CASZ1: variants seen among roughly 807,000 people sequenced by gnomAD.
CASZ1 encodes the protein zinc finger protein castor homolog 1.
CASZ1 carries 28 observed loss-of-function variants against 135.2 expected under a neutral mutation model. The observed-to-expected ratio is 0.21, with a 90% confidence interval of 0.15 to 0.28. CASZ1 has a LOEUF of 0.28. CASZ1 is among the 10% of genes least tolerant of loss of function. The probability of loss-of-function intolerance (pLI) is 1.00; values close to 1 mark genes in which losing one functional copy is unlikely to be tolerated. For synonymous variants in CASZ1, 1,068 were observed against 1,073.4 expected (o/e 0.99, Z 0.10); for missense variants, 2,161 against 2,453.3 (o/e 0.88, Z 2.52).
chr1:10,728,415 A>C (rs1639635240), intron 2 of CASZ1, among the ~76,000 whole-genome samples: 1 of 152,190 alleles, frequency 6.6e-6, no homozygotes, highest in Non-Finnish European at 1.5e-5. Context: ...CTATCTAAAA[A>C]TGAAAATGAA....
rs979565650 is a variant in CASZ1, at chr1:10,759,820, C to T, written c.-77+881G>A. On this transcript the variant is annotated intron_variant, in intron 2 of 20. Transcript: ENST00000377022. This position sits in a 1 kb window ranked among gnomAD's most constrained non-coding sequence, Gnocchi z 4.2. ...ACACATAGGAAGAGCAGCCCCCGGCCCTGCCCTCCCCAGACATCCTCTAGG... is the reference window on the plus strand; with the variant it reads ...ACACATAGGAAGAGCAGCCCCCGGCTCTGCCCTCCCCAGACATCCTCTAGG... Among the ~76,000 whole-genome samples, 2 of 152,138 alleles carry T rather than the reference C, an allele frequency of 1.3e-5. No homozygotes were observed. Among genetic ancestry groups the T allele is most frequent in the African/African-American group, 4.8e-5 (2 of 41,420 alleles).
chr1:10,697,598 C>G lies in CASZ1; in HGVS notation c.-23-3686G>C, dbSNP rs995287595. On this transcript the variant is annotated intron_variant, in intron 3 of 20. Transcript: ENST00000377022. This position sits in a 1 kb window ranked among gnomAD's most constrained non-coding sequence, Gnocchi z 4.7. ...TATCGCTGGTTCCTGTTACCCCCCC[C>G]GCACCCCCAAGTTGCCCACCTACAC... Among the ~76,000 whole-genome samples the G allele has an allele frequency of 6.6e-6, 1 of 151,770 alleles. No homozygotes were observed. The highest frequency in any genetic ancestry group is 1.5e-5 in the Non-Finnish European group (1 of 67,950).
At chr1:10,708,953 A>AAGGGATGG (rs1178622355) in intron 2 of CASZ1, among the ~76,000 whole-genome samples, 1 of 92,816 alleles carries the variant, frequency 1.1e-5, no homozygotes, top group Non-Finnish European at 1.9e-5. Flanking sequence ...GGAAGGAAGC[A>AAGGGATGG]AGGGATGGAG....
intron 1 of CASZ1, among the ~76,000 whole-genome samples, chr1:10,781,208 C>G (rs1461995386): frequency 1.3e-5 from 2 of 152,270 alleles, no homozygotes; most frequent in Non-Finnish European, 1.5e-5. Flanking sequence ...TCGACCTTCT[C>G]CACTAGCACA....
intron 2 of CASZ1, among the ~76,000 whole-genome samples, chr1:10,743,445 C>T (rs1311821574): frequency 7.7e-6 from 1 of 130,460 alleles, no homozygotes; most frequent in Non-Finnish European, 1.8e-5. Context: ...CCCTGGGCCT[C>T]CACCGAGAAC....
At chr1:10,645,315 G>C (rs1295594622) in intron 17 of CASZ1, among the ~76,000 whole-genome samples, 1 of 152,252 alleles carries the variant, frequency 6.6e-6, no homozygotes, top group Non-Finnish European at 1.5e-5. Flanking sequence ...CGGATCACGA[G>C]ATCAGGAGAT....
chr1:10,647,683 G>A lies in CASZ1; in HGVS notation c.3497+118C>T. ...CATCACCCGATGGCCATGCCCCAGAGAGGCTGGGGACAGCAGCACCATCCG... is the reference window on the plus strand; with the variant it reads ...CATCACCCGATGGCCATGCCCCAGAAAGGCTGGGGACAGCAGCACCATCCG... On this transcript the variant is annotated intron_variant, in intron 16 of 20. Coordinates refer to ENST00000377022, the MANE Select transcript of CASZ1 (RefSeq NM_001079843.3). This position sits in a 1 kb window ranked among gnomAD's most constrained non-coding sequence, Gnocchi z 4.9. The A allele has an allele frequency of 6.6e-7, 1 of 1,524,992 alleles. No homozygotes were observed. Among genetic ancestry groups the A allele is most frequent in the Non-Finnish European group, 8.8e-7 (1 of 1,142,418 alleles). 94.5% of individuals were successfully genotyped at this position (1,524,992 alleles called of 1,614,324 possible).
rs566318090 is a variant in CASZ1, at chr1:10,794,556, G to C, written c.-234+2008C>G. Among the ~76,000 whole-genome samples the C allele has an allele frequency of 2.0e-5, 3 of 152,176 alleles. No homozygotes were observed. The highest frequency in any genetic ancestry group is 7.2e-5 in the African/African-American group (3 of 41,524). On this transcript the variant is annotated intron_variant, in intron 1 of 20. Transcript: ENST00000377022. The surrounding 1 kb of genome is among the most constrained non-coding windows in gnomAD (Gnocchi z 5.6). ...CACCCGCACCCGCACCGTAGCCAGC[G>C]TGGCTGGAAGGAGGTCCTCGCCGCG...
At chr1:10,792,342 G>GCCCCCCCC (rs1640976200) in intron 1 of CASZ1, among the ~76,000 whole-genome samples, 3 of 2,018 alleles carry the variant, frequency 1.5e-3, no homozygotes, top group Non-Finnish European at 2.6e-3. Flanking sequence ...CCCCCCCCCG[G>GCCCCCCCC]CCCCGCACAC....
At chr1:10,703,572 A>C (rs1639107876) in intron 3 of CASZ1, among the ~76,000 whole-genome samples, 2 of 151,952 alleles carry the variant, frequency 1.3e-5, no homozygotes, top group Admixed American at 1.3e-4. Context: ...GGGCCCTGAC[A>C]CAGAAATAGA....
At chr1:10,764,323 T>C (rs148477781) in intron 1 of CASZ1, among the ~76,000 whole-genome samples, 200 of 152,364 alleles carry the variant, frequency 1.3e-3, no homozygotes, top group African/African-American at 4.8e-3. Context: ...CAATAAGAAT[T>C]GGACCATGTG....
intron 20 of CASZ1, 167 bp from the exon 21 acceptor site, chr1:10,640,226 T>A: frequency 1.0e-6 from 1 of 963,404 alleles, no homozygotes; most frequent in Non-Finnish European, 1.5e-6. Context: ...GCCCCCTCCC[T>A]ACCCTGGCAC....
At chr1:10,685,605 C>G (rs1638560254) in intron 4 of CASZ1, among the ~76,000 whole-genome samples, 1 of 152,220 alleles carries the variant, frequency 6.6e-6, no homozygotes, top group Admixed American at 6.5e-5. Context: ...GAGGCTCCTC[C>G]CCAACCCGGG....
intron 2 of CASZ1, among the ~76,000 whole-genome samples, chr1:10,716,952 C>T (rs1639405837): frequency 6.6e-6 from 1 of 152,174 alleles, no homozygotes; most frequent in Non-Finnish European, 1.5e-5. Flanking sequence ...TACGTTCGGT[C>T]AAACTTCTCC....
At chr1:10,649,461 T>G (rs566866337) in intron 13 of CASZ1, 24 bp from the exon 14 acceptor site, 1 of 1,590,934 alleles carries the variant, frequency 6.3e-7, no homozygotes, top group Non-Finnish European at 8.6e-7. Context: ...AGGCCGAGCA[T>G]GGGGCTGGGG....
At chr1:10,659,244 C>T (rs1642911382) in intron 6 of CASZ1, among the ~76,000 whole-genome samples, 2 of 152,220 alleles carry the variant, frequency 1.3e-5, no homozygotes, top group South Asian at 2.1e-4. Flanking sequence ...GCCAGGGTGG[C>T]GCCTTCTCAG....
intron 1 of CASZ1, among the ~76,000 whole-genome samples, chr1:10,761,279 C>A (rs549246830): frequency 6.6e-6 from 1 of 152,242 alleles, no homozygotes; most frequent in Non-Finnish European, 1.5e-5. Flanking sequence ...CAACCCTGGG[C>A]TCCCCAACGC....
At chr1:10,714,294 C>A (rs1172579253) in intron 2 of CASZ1, among the ~76,000 whole-genome samples, 12 of 151,672 alleles carry the variant, frequency 7.9e-5, no homozygotes, top group Non-Finnish European at 1.5e-5. Flanking sequence ...GGCAACAGAA[C>A]AAGACTCCAT....
Position 10,660,401 on chromosome 1 carries a change from G to A in CASZ1, c.641C>T (p.Thr214Ile). 6.2e-7 allele frequency: 1 copy of A among 1,614,200 alleles called. No individual in the cohort carries two copies. Among genetic ancestry groups the A allele is most frequent in the Non-Finnish European group, 8.5e-7 (1 of 1,180,024 alleles). The stretch of plus-strand genomic sequence containing the variant: ...CATGGAGGAGGTGGCTGCCTCCGGG[G>A]TGGAGCCCGCGTGCAGCTTCTCAAA... ...ISFEKLHAGS[T>I]PEAATSSMLP... is the part of the protein sequence containing the mutation. Residue 214 changes from threonine (T) to isoleucine (I), a missense_variant, in exon 6 of 21, where the codon ACC becomes ATC. This residue lies in a region of CASZ1 where 590 missense variants were observed against 609.8 expected (regional missense o/e 0.97). Coordinates refer to ENST00000377022, the MANE Select transcript of CASZ1 (RefSeq NM_001079843.3).
Sources: gnomAD v4.1 joint callset for allele counts (sites outside exome capture counted in the v4.1 genomes callset) on GRCh38, gnomAD v4.1.1 for gene constraint, gnomAD v4.1.1 regional missense constraint, Gnocchi (gnomAD v3.1) non-coding constraint, MANE v1.5 for transcripts, NCBI Gene and HGNC (gene_info 2026-07-23, HGNC 2026-07-21) for gene names.